The following PKHD1L1 variants were observed in gnomAD, a reference collection of about 807,000 sequenced individuals.
PKHD1L1 encodes fibrocystin-L.
PKHD1L1 carries 434 observed loss-of-function variants against 462.9 expected under a neutral mutation model. The ratio of observed to expected loss-of-function variants is 0.94; its 90% CI spans 0.87 to 1.02. The LOEUF (loss-of-function observed/expected upper bound fraction) is 1.02, where lower values mean the gene tolerates loss of function less well. PKHD1L1 is among the 50% of genes least tolerant of loss of function. The pLI, the probability that PKHD1L1 is intolerant of heterozygous loss-of-function variation, is 0.00. For synonymous variants in PKHD1L1, 1,781 were observed against 1,750.0 expected, an observed-to-expected ratio of 1.02 and a Z score of -0.44; for missense variants, 5,202 against 5,096.1, an observed-to-expected ratio of 1.02 and a Z score of -0.63.
At chr8:109,470,547 T>C in intron 50 of PKHD1L1, 1 of 1,609,940 alleles carries the variant, frequency 6.2e-7, no homozygotes, top group Non-Finnish European at 8.5e-7. Context: ...TTGATTCCTT[T>C]ATTGCAGGAA....
At chr8:109,501,914 C>A (rs905509226) in intron 67 of PKHD1L1, among the ~76,000 whole-genome samples, 1 of 152,042 alleles carries the variant, frequency 6.6e-6, no homozygotes, top group Non-Finnish European at 1.5e-5. Flanking sequence ...CCTTCCAGGC[C>A]CCTTACCAAC....
chr8:109,417,772 G>C (rs143081120), intron 21 of PKHD1L1, among the ~76,000 whole-genome samples: 3 of 152,054 alleles, frequency 2.0e-5, no homozygotes, highest in Non-Finnish European at 4.4e-5. Context: ...GGCTGGTCTC[G>C]AGCTCCTGAC....
intron 67 of PKHD1L1, among the ~76,000 whole-genome samples, chr8:109,503,969 A>G: frequency 6.6e-6 from 1 of 152,188 alleles, no homozygotes; most frequent in Non-Finnish European, 1.5e-5. Flanking sequence ...CATGTATCCC[A>G]GGCTTACTCA....
Position 109,476,612 on chromosome 8 carries a change from T to G in PKHD1L1, c.8862T>G (p.Thr2954=). 6.3e-7 allele frequency: 1 copy of G among 1,597,250 alleles called. No individual in the cohort carries two copies. The highest frequency in any genetic ancestry group is 8.5e-7 in the Non-Finnish European group (1 of 1,170,362). The change falls in exon 52 of 78, where the codon ACT becomes ACG. Residue 2954 remains threonine, a synonymous_variant. Coordinates refer to ENST00000378402, the MANE Select transcript of PKHD1L1 (RefSeq NM_177531.6). ...CCTCAAATCCATTGAATTGGAATAC[T>G]AGCAAGAATGGGGACTGGCACCTTG... ...NGSSNPLNWN[T]SKNGDWHLEA...
In PKHD1L1 at chr8:109,369,185, A is replaced by G. The variant is rs964542841; in HGVS notation, c.163+4549A>G. ...GAGACAGGGTTTCACCATCTTGGCC[A>G]GGTTGGTCTCAAACTCCTGACTTCA... On this transcript the variant is annotated intron_variant, in intron 2 of 77. Transcript: ENST00000378402. Among the ~76,000 whole-genome samples, 3 of 144,648 alleles carry G rather than the reference A, an allele frequency of 2.1e-5. No homozygotes were observed. In the Admixed American group the frequency reaches 2.1e-4, roughly 10 times the overall value. The allele number at this position is 144,648 out of a possible 152,430, so 94.9% of individuals were successfully genotyped here.
intron 18 of PKHD1L1, 96 bp from the exon 19 acceptor site, chr8:109,409,769 G>A: frequency 1.9e-6 from 1 of 536,544 alleles, no homozygotes; most frequent in South Asian, 4.4e-5. Context: ...TTATGAAAAT[G>A]TCCTATTAAA....
intron 68 of PKHD1L1, among the ~76,000 whole-genome samples, chr8:109,505,826 G>A (rs1333218113): frequency 6.6e-6 from 1 of 152,148 alleles, no homozygotes; most frequent in Non-Finnish European, 1.5e-5. Context: ...GATTGCTTGA[G>A]CCCAGGAGGT....
chr8:109,372,800 A>T lies in PKHD1L1; in HGVS notation c.163+8164A>T, dbSNP rs561169377. On this transcript the variant is annotated intron_variant, in intron 2 of 77. Transcript: ENST00000378402. ...GTCTTTGGTTCTGTTTATATGCTGG[A>T]TTATGTTTATTGATTTGCATATATT... Among the ~76,000 whole-genome samples the T allele has an allele frequency of 4.6e-5, 7 of 152,244 alleles. No individual in the cohort carries two copies. The East Asian group carries it at 1.3e-3, about 29-fold the overall frequency.
intron 63 of PKHD1L1, among the ~76,000 whole-genome samples, chr8:109,495,597 G>T (rs940173983): frequency 4.6e-5 from 7 of 152,044 alleles, no homozygotes; most frequent in Admixed American, 1.3e-4. Flanking sequence ...AACCCTATTT[G>T]TCCATGCATC....
intron 42 of PKHD1L1, 119 bp from the exon 43 acceptor site, chr8:109,452,599 A>C: frequency 2.0e-6 from 1 of 495,246 alleles, no homozygotes; most frequent in Non-Finnish European, 2.9e-6. Flanking sequence ...CTTATTGTTT[A>C]TATATATTTA....
intron 50 of PKHD1L1, among the ~76,000 whole-genome samples, chr8:109,474,159 G>A (rs1168806975): frequency 6.6e-6 from 1 of 152,188 alleles, no homozygotes; most frequent in South Asian, 2.1e-4. Context: ...AGAAAATCAT[G>A]AATTTTTTCT....
chr8:109,526,896 C>T lies in PKHD1L1; in HGVS notation c.12597C>T (p.Asn4199=). The change falls in exon 77 of 78, where the codon AAC becomes AAT. Residue 4199 remains asparagine, a synonymous_variant. Coordinates refer to ENST00000378402, the MANE Select transcript of PKHD1L1 (RefSeq NM_177531.6). ...VSSSGSSSSS[N]SKASTVGTYA... is the part of the protein sequence containing the mutation. ...GCAGTGGCAGCAGCAGCAGCAGCAA[C>T]AGCAAAGCATCAACTGTGGGTACAT... 6.2e-7 allele frequency: 1 copy of T among 1,612,116 alleles called. No homozygotes were observed. Among genetic ancestry groups the T allele is most frequent in the African/African-American group, 1.3e-5 (1 of 75,024 alleles).
intron 1 of PKHD1L1, among the ~76,000 whole-genome samples, chr8:109,363,714 C>T (rs535649397): frequency 2.0e-5 from 3 of 152,248 alleles, no homozygotes; most frequent in Admixed American, 6.5e-5. Context: ...CCTGTTTGCC[C>T]GGGCAGTTCC....
intron 2 of PKHD1L1, among the ~76,000 whole-genome samples, chr8:109,374,079 A>C (rs947983682): frequency 1.3e-5 from 2 of 152,136 alleles, no homozygotes; most frequent in Non-Finnish European, 2.9e-5. Flanking sequence ...TGTCTCGTTG[A>C]TCTGTCTAAT....
intron 1 of PKHD1L1, among the ~76,000 whole-genome samples, chr8:109,363,073 C>A (rs1220725958): frequency 6.6e-6 from 1 of 152,048 alleles, no homozygotes; most frequent in Admixed American, 6.6e-5. Context: ...CCCAGTAGGA[C>A]GGGGATGGGA....
intron 70 of PKHD1L1, among the ~76,000 whole-genome samples, chr8:109,509,247 C>T (rs1019191083): frequency 2.6e-5 from 4 of 152,026 alleles, no homozygotes; most frequent in South Asian, 4.2e-4. Flanking sequence ...TGCTGCTTTT[C>T]GGATTGTATG....
chr8:109,497,344 A>T, intron 65 of PKHD1L1, 72 bp downstream of exon 65: 1 of 1,506,880 alleles, frequency 6.6e-7, no homozygotes, highest in Non-Finnish European at 9.1e-7. Context: ...TGAAGGACTA[A>T]TAAGAATAAT....
At chr8:109,431,167 C>T (rs898726203) in intron 27 of PKHD1L1, among the ~76,000 whole-genome samples, 1 of 152,036 alleles carries the variant, frequency 6.6e-6, no homozygotes, top group African/African-American at 2.4e-5. Flanking sequence ...AGAGTTTTAC[C>T]ATGTTGGCCA....
In PKHD1L1 at chr8:109,485,066, C is replaced by A. The variant is rs1818457876; in HGVS notation, c.9599C>A (p.Thr3200Lys). 1 of 1,598,396 alleles carries A rather than the reference C, an allele frequency of 6.3e-7. No homozygotes were observed. The highest frequency in any genetic ancestry group is 8.5e-7 in the Non-Finnish European group (1 of 1,172,676). Residue 3200 changes from threonine (T) to lysine (K), a missense_variant, in exon 58 of 78, where the codon ACA becomes AAA. By Grantham distance (78) the Thr-to-Lys change is moderately conservative. Transcript: ENST00000378402. The part of the protein sequence containing the change: ...DWQEGEEIVI[T>K]TTSYDFHQTE... ...AAGGAGGGAGAAGAGATTGTGATAA[C>A]AACCACAAGCTACGATTTCCACCAG...
Sources: gnomAD v4.1 joint callset for allele counts (sites outside exome capture counted in the v4.1 genomes callset) on GRCh38, gnomAD v4.1.1 for gene constraint, MANE v1.5 for transcripts, NCBI Gene and HGNC (gene_info 2026-07-23, HGNC 2026-07-21) for gene names.